Variants in BORCS8 observed in about 807,000 individuals in gnomAD.
BORCS8 encodes the protein BLOC-1-related complex subunit 8.
Under a neutral mutation model 18.7 loss-of-function variants are expected in BORCS8, and 13 were observed. The observed-to-expected ratio is 0.70, with a 90% CI of 0.45 to 1.11. The LOEUF (loss-of-function observed/expected upper bound fraction) is 1.11. Among genes scored for constraint, BORCS8 ranks in the 50% least tolerant of loss-of-function variants. The probability of loss-of-function intolerance (pLI) is 0.00; values close to 1 mark genes in which losing one functional copy is unlikely to be tolerated. For missense variants in BORCS8, 165 were observed against 165.7 expected (o/e 1.00, Z 0.02); for synonymous variants, 68 against 64.8 (o/e 1.05, Z -0.24).
intron 3 of BORCS8, among the ~76,000 whole-genome samples, chr19:19,184,309 T>TC (rs60811331): frequency 0.33 from 47,595 of 143,692 alleles, 8,308 homozygotes; most frequent in Non-Finnish European, 0.39. Context: ...TCCTTTCTTT[T>TC]TTTTTTTTTT....
intron 1 of BORCS8, among the ~76,000 whole-genome samples, chr19:19,188,744 G>T (rs1252494417): frequency 1.3e-5 from 2 of 152,110 alleles, no homozygotes; most frequent in East Asian, 3.9e-4. Flanking sequence ...TCCCTCTGCA[G>T]ATTTTACCTG....
intron 1 of BORCS8, among the ~76,000 whole-genome samples, chr19:19,191,271 T>A (rs1307268628): frequency 6.6e-6 from 1 of 151,122 alleles, no homozygotes; most frequent in Non-Finnish European, 1.5e-5. Context: ...TGCAGTGAGC[T>A]GAGATCCCCC....
At chr19:19,191,892 C>T (rs963209655) in intron 1 of BORCS8, among the ~76,000 whole-genome samples, 189 bp downstream of exon 1, 6 of 152,186 alleles carry the variant, frequency 3.9e-5, no homozygotes, top group Admixed American at 2.0e-4. Context: ...TGAAACAATC[C>T]TGGGGGGACC....
chr19:19,177,640 A>AGAAGGAAG (rs1212671462), intron 5 of BORCS8, 180 bp from the exon 6 acceptor site: 1,039 of 103,044 alleles, frequency 0.01, 30 homozygotes, highest in Non-Finnish European at 0.012. Context: ...AAAGAAAGAA[A>AGAAGGAAG]GAAGGAAGGA....
At chr19:19,177,680 G>GAAAAGAAAAGAAAA in intron 5 of BORCS8, 1 of 81,700 alleles carries the variant, frequency 1.2e-5, no homozygotes, top group Non-Finnish European at 2.2e-5. Context: ...AAGGAAGGAA[G>GAAAAGAAAAGAAAA]GAAGGAAGGA....
At chr19:19,181,218 G>A (rs2060346259) in intron 4 of BORCS8, among the ~76,000 whole-genome samples, 1 of 151,144 alleles carries the variant, frequency 6.6e-6, no homozygotes, top group Non-Finnish European at 1.5e-5. Context: ...AGGGACAAAT[G>A]GCTGGGCCCA....
intron 1 of BORCS8, among the ~76,000 whole-genome samples, chr19:19,190,615 C>T (rs1599763521): frequency 6.6e-6 from 1 of 152,280 alleles, no homozygotes; most frequent in East Asian, 1.9e-4. Context: ...GTGGAGAAAC[C>T]CCGTTTCTAC....
intron 1 of BORCS8, among the ~76,000 whole-genome samples, chr19:19,187,922 C>T (rs566001204): frequency 2.6e-5 from 4 of 151,514 alleles, no homozygotes; most frequent in Non-Finnish European, 5.9e-5. Flanking sequence ...GCTCACTGCA[C>T]CCTCGAAACT....
chr19:19,177,753 G>GAAAAGAAAAGAAAAGAAAAGAAAAGA (rs112165012), intron 5 of BORCS8: 2 of 154,708 alleles, frequency 1.3e-5, no homozygotes, highest in Admixed American at 7.2e-5. Flanking sequence ...GAAAAGAAAA[G>GAAAAGAAAAGAAAAGAAAAGAAAAGA]AAAGGAAGAA....
At chr19:19,187,858 T>TA (rs1410140514) in intron 1 of BORCS8, among the ~76,000 whole-genome samples, 2 of 150,374 alleles carry the variant, frequency 1.3e-5, no homozygotes, top group Non-Finnish European at 3.0e-5. Flanking sequence ...ACTTTTTTTT[T>TA]AGAGACAGGG....
rs570201869 is a variant in BORCS8, at chr19:19,180,843, G to C, written c.327-82C>G. ...CTCAGCTGGCTGGAGTGTATGTTTG[G>C]GTGATACTCTGGTCTCAAAGACCTC... On this transcript the variant is annotated intron_variant, in intron 4 of 5. Transcript: ENST00000462790. 34 of 1,387,590 alleles carry C rather than the reference G, an allele frequency of 2.5e-5. 1 individual carries two copies. In the African/African-American group the frequency reaches 4.4e-4, roughly 18 times the overall value. The allele number at this position is 1,387,590 out of a possible 1,614,324, so 86.0% of individuals were successfully genotyped here.
At chr19:19,185,369 C>G (rs965866861) in intron 3 of BORCS8, among the ~76,000 whole-genome samples, 1 of 152,194 alleles carries the variant, frequency 6.6e-6, no homozygotes, top group African/African-American at 2.4e-5. Flanking sequence ...AACCAAAGCA[C>G]AGGAGGCAAG....
In BORCS8 at chr19:19,180,775, T is replaced by C. The variant is rs1251234411; in HGVS notation, c.327-14A>G. 12 of 1,543,720 alleles carry C rather than the reference T, an allele frequency of 7.8e-6. No individual in the cohort carries two copies. Among genetic ancestry groups the C allele is most frequent in the Non-Finnish European group, 1.0e-5 (12 of 1,143,036 alleles). ...GGTTCCTCCGGGCTGCAACAAAACA[T>C]GTGCAGCATCCATGAGGCCAAGGTC... On this transcript the variant is annotated splice_polypyrimidine_tract_variant and intron_variant, in intron 4 of 5. Coordinates refer to ENST00000462790, the MANE Select transcript of BORCS8 (RefSeq NM_001145784.2).
At chr19:19,181,891 G>A (rs1181719764) in intron 4 of BORCS8, 3 of 985,296 alleles carry the variant, frequency 3.0e-6, no homozygotes, top group Non-Finnish European at 3.6e-6. Context: ...GTTCATAAGC[G>A]TGTTTATTAA....
In BORCS8 at chr19:19,186,185, T is replaced by A. The variant is rs562996069; in HGVS notation, c.151-87A>T. 3 of 1,245,812 alleles carry A rather than the reference T, an allele frequency of 2.4e-6. No individual in the cohort carries two copies. The African/African-American group carries it at 4.5e-5, about 19-fold the overall frequency. 77.2% of individuals were successfully genotyped at this position (1,245,812 alleles called of 1,614,324 possible). On this transcript the variant is annotated intron_variant, in intron 2 of 5. Transcript: ENST00000462790. ...CCAGCTCTCTTGGTTGGGGCTCTCC[T>A]GAGTCCTCATGGTGGAAGCAGAGAC...
chr19:19,177,672 G>GAAAA (rs1568561594), intron 5 of BORCS8: 5 of 85,146 alleles, frequency 5.9e-5, no homozygotes, highest in African/African-American at 2.8e-4. Flanking sequence ...AAGGAAGGAA[G>GAAAA]GAAGGAAGGA....
At chr19:19,183,797 T>C (rs2060376513) in intron 3 of BORCS8, among the ~76,000 whole-genome samples, 1 of 150,848 alleles carries the variant, frequency 6.6e-6, no homozygotes, top group Non-Finnish European at 1.5e-5. Context: ...CTCAAACTCC[T>C]GACCTCAGGG....
chr19:19,185,885 C>A, intron 3 of BORCS8, 149 bp downstream of exon 3: 1 of 755,228 alleles, frequency 1.3e-6, no homozygotes, highest in Non-Finnish European at 2.2e-6. Flanking sequence ...GGGCCCTGGC[C>A]AAGTGAATCG....
At chr19:19,187,568 C>T (rs1236032324) in intron 1 of BORCS8, among the ~76,000 whole-genome samples, 1 of 146,414 alleles carries the variant, frequency 6.8e-6, no homozygotes. Flanking sequence ...GAGACAGAGT[C>T]TTGCTCTGTC....
Sources: allele counts gnomAD v4.1 joint callset (sites outside exome capture counted in the v4.1 genomes callset), GRCh38; gene constraint gnomAD v4.1.1; transcripts MANE v1.5; gene names NCBI Gene and HGNC (gene_info 2026-07-23, HGNC 2026-07-21).